TLR10: variants seen among roughly 807,000 people sequenced by gnomAD.
TLR10 encodes toll like receptor 10.
For missense variants in TLR10, 929 were observed against 932.9 expected, an observed-to-expected ratio of 1.00 and a Z score of 0.05; for synonymous variants, 288 against 338.8, an observed-to-expected ratio of 0.85 and a Z score of 1.65.
chr4:38,781,144 G>A (rs1185381623), intron 1 of TLR10, among the ~76,000 whole-genome samples: 2 of 152,008 alleles, frequency 1.3e-5, no homozygotes, highest in Admixed American at 1.3e-4. Context: ...TATCTCTCAG[G>A]CAATACTTAT....
In TLR10 at chr4:38,782,963, T is replaced by G. The variant is rs1165163389; in HGVS notation, c.-611A>C. 2 of 152,300 alleles carry G rather than the reference T, an allele frequency of 1.3e-5. No individual in the cohort carries two copies. Among genetic ancestry groups the G allele is most frequent in the East Asian group, 1.9e-4 (1 of 5,182 alleles). The allele number at this position is 152,300 out of a possible 1,614,324, so 9.4% of individuals were successfully genotyped here. A position where few individuals can be genotyped will look rare whatever the true frequency, so the allele number is the denominator to read the frequency against. On this transcript the variant is annotated 5_prime_UTR_variant, in exon 1 of 4. Transcript: ENST00000308973. ...CTCAGCAGAGCTGCAGGTGCGTGGA[T>G]GATTCGTTGACACGGTCAGAATTGG...
Position 38,775,444 on chromosome 4 carries a change from G to A in TLR10, c.147C>T (p.Ala49=). ...LRKVPADLTP[A]TTTLDLSYNL... is the part of the protein sequence containing the mutation. The stretch of plus-strand genomic sequence containing the variant: ...TATAGGATAAATCCAGTGTCGTTGT[G>A]GCTGGGGTCAAGTCTGCGGGAACCT... Residue 49 remains alanine (A), a synonymous_variant, in exon 4 of 4, where the codon GCC becomes GCT. Coordinates refer to ENST00000308973, the MANE Select transcript of TLR10 (RefSeq NM_030956.4). 1 of 1,614,138 alleles carries A rather than the reference G, an allele frequency of 6.2e-7. No individual in the cohort carries two copies. Among genetic ancestry groups the A allele is most frequent in the Non-Finnish European group, 8.5e-7 (1 of 1,180,020 alleles).
At position 38,775,137 on chromosome 4, in the gene TLR10, C is replaced by T. The variant is rs751364840; in HGVS notation, c.454G>A (p.Ala152Thr). The change falls in exon 4 of 4, where the codon GCA becomes ACA. Residue 152 changes from alanine to threonine, a missense_variant. Coordinates refer to ENST00000308973, the MANE Select transcript of TLR10 (RefSeq NM_030956.4). ...SHLEILGLSG[A>T]KIQKSDFQKI... ...TGGAAATCTGATTTTTGTATTTTTG[C>T]CCCACTCAAACCTAGGATTTCCAGG... 5.6e-6 allele frequency: 9 copies of T among 1,613,510 alleles called. No individual in the cohort carries two copies. In the East Asian group the frequency reaches 1.3e-4, roughly 24 times the overall value.
chr4:38,777,662 A>G (rs1197950862), intron 1 of TLR10, among the ~76,000 whole-genome samples: 1 of 152,230 alleles, frequency 6.6e-6, no homozygotes, highest in African/African-American at 2.4e-5. Flanking sequence ...ACTTCTCAAA[A>G]GAAGACATTT....
At chr4:38,779,431 G>C (rs572567393) in intron 1 of TLR10, among the ~76,000 whole-genome samples, 12 of 152,124 alleles carry the variant, frequency 7.9e-5, no homozygotes, top group Non-Finnish European at 1.3e-4. Flanking sequence ...TGACTCCCTA[G>C]AGTGTAATGT....
In TLR10 at chr4:38,776,337, C is replaced by T. The variant is rs878856374; in HGVS notation, c.-479G>A. ...ATGTCTGAAACCTGCCAGTGAATAC[C>T]AAGCCACAATCTTCAGTCTGTTGTT... is the stretch of plus-strand genomic sequence containing the variant. On this transcript the variant is annotated 5_prime_UTR_variant, in exon 2 of 4. Transcript: ENST00000308973. 1 of 199,932 alleles carries T rather than the reference C, an allele frequency of 5.0e-6. No homozygotes were observed. Among genetic ancestry groups the T allele is most frequent in the Admixed American group, 4.7e-5 (1 of 21,134 alleles). The allele number at this position is 199,932 out of a possible 1,614,324, so 12.4% of individuals were successfully genotyped here.
intron 1 of TLR10, among the ~76,000 whole-genome samples, chr4:38,781,982 A>G (rs557315976): frequency 6.6e-6 from 1 of 152,332 alleles, no homozygotes; most frequent in African/African-American, 2.4e-5. Flanking sequence ...CAAGATGACC[A>G]ACTGAAGAAG....
At position 38,773,232 on chromosome 4, in the gene TLR10, C is replaced by A; in HGVS notation, c.2359G>T (p.Glu787Ter). Reference sequence around the variant, plus strand: ...TTTAACTCTGTGAATGTCTGCAGTTCATACATTTCTCTGGTGGCTAATACA... The same window carrying A: ...TTTAACTCTGTGAATGTCTGCAGTTAATACATTTCTCTGGTGGCTAATACA... ...VNVLATREMY[E>*]LQTFTELNEE... The change falls in exon 4 of 4, where the codon GAA becomes TAA. Residue 787 changes from glutamate (E) to a stop codon, truncating the protein, a stop_gained. Coordinates refer to ENST00000308973, the MANE Select transcript of TLR10 (RefSeq NM_030956.4). LOFTEE classifies it high-confidence loss of function. The A allele has an allele frequency of 6.2e-7, 1 of 1,600,114 alleles. No homozygotes were observed. Among genetic ancestry groups the A allele is most frequent in the South Asian group, 1.1e-5 (1 of 88,168 alleles).
intron 1 of TLR10, 71 bp from the exon 2 acceptor site, chr4:38,776,497 G>A (rs186000747): frequency 1.3e-5 from 2 of 152,404 alleles, no homozygotes; most frequent in East Asian, 3.9e-4. Flanking sequence ...ATTGCTTCAT[G>A]TATATTATCT....
Position 38,775,490 on chromosome 4 carries a change from C to T in TLR10, c.101G>A (p.Cys34Tyr). Residue 34 changes from cysteine (C) to tyrosine (Y), a missense_variant, in exon 4 of 4, where the codon TGC becomes TAC. Transcript: ENST00000308973. ...AACCTTTCTTAGAGACATGTTGGAG[C>T]AGTTGGTCATCAGTTCCCTTTCTTC... is the stretch of plus-strand genomic sequence containing the variant. ...LPEERELMTN[C>Y]SNMSLRKVPA... 1.2e-6 allele frequency: 2 copies of T among 1,614,100 alleles called. No homozygotes were observed. The highest frequency in any genetic ancestry group is 1.7e-6 in the Non-Finnish European group (2 of 1,180,004).
rs762010247 is a variant in TLR10 at position 38,773,125 on chromosome 4, G to C, written c.*30C>G. 2.0e-6 allele frequency: 3 copies of C among 1,499,854 alleles called. No homozygotes were observed. Among genetic ancestry groups the C allele is most frequent in the Non-Finnish European group, 2.7e-6 (3 of 1,129,958 alleles). The allele number at this position is 1,499,854 out of a possible 1,614,324, so 92.9% of individuals were successfully genotyped here. The stretch of plus-strand genomic sequence containing the variant: ...CAATGTACATCCCAACAGTGTATGT[G>C]GTCCCCAACTTCCCAAGGACTGTGG... On this transcript the variant is annotated 3_prime_UTR_variant, in exon 4 of 4. Coordinates refer to ENST00000308973, the MANE Select transcript of TLR10 (RefSeq NM_030956.4).
rs374143520 is a variant in TLR10 at position 38,774,495 on chromosome 4, T to C, written c.1096A>G (p.Lys366Glu). 1.9e-6 allele frequency: 3 copies of C among 1,590,894 alleles called. No individual in the cohort carries two copies. Among genetic ancestry groups the C allele is most frequent in the Non-Finnish European group, 2.6e-6 (3 of 1,172,482 alleles). The change falls in exon 4 of 4, where the codon AAA becomes GAA. Residue 366 changes from lysine (K) to glutamate (E), a missense_variant. Coordinates refer to ENST00000308973, the MANE Select transcript of TLR10 (RefSeq NM_030956.4). ...ANNILTDELF[K>E]RTIQLPHLKT... ...AAGTGAGGCAGTTGGATAGTTCTTT[T>C]AAACAACTCGTCTGTTAAGATATTA...
intron 1 of TLR10, 21 bp downstream of exon 1, chr4:38,782,896 CAACA>C (rs1389413320): frequency 6.6e-6 from 1 of 152,132 alleles, no homozygotes; most frequent in Non-Finnish European, 1.5e-5. Flanking sequence ...ATGAGAGTTA[CAACA>C]AACAAAGCTA....
intron 1 of TLR10, among the ~76,000 whole-genome samples, chr4:38,778,797 G>T (rs892264255): frequency 6.6e-6 from 1 of 152,138 alleles, no homozygotes; most frequent in Admixed American, 6.6e-5. Flanking sequence ...ATGCTCAACA[G>T]AAAGAGGATG....
In TLR10 at chr4:38,773,829, G is replaced by C. The variant is rs767983459; in HGVS notation, c.1762C>G (p.Leu588Val). The C allele has an allele frequency of 6.3e-7, 1 of 1,587,568 alleles. No individual in the cohort carries two copies. The highest frequency in any genetic ancestry group is 8.6e-7 in the Non-Finnish European group (1 of 1,168,592). ...AAGGCCACAGCCAACCCCAGAACTAGCATAATAACCACAATGGTGACAATC... is the reference window on the plus strand; with the variant it reads ...AAGGCCACAGCCAACCCCAGAACTACCATAATAACCACAATGGTGACAATC... ...LLIVTIVVIM[L>V]VLGLAVAFCC... The change falls in exon 4 of 4, where the codon CTA becomes GTA. Residue 588 changes from leucine to valine, a missense_variant. Coordinates refer to ENST00000308973, the MANE Select transcript of TLR10 (RefSeq NM_030956.4).
intron 1 of TLR10, among the ~76,000 whole-genome samples, chr4:38,777,253 C>T (rs1419714076): frequency 6.6e-6 from 1 of 151,930 alleles, no homozygotes; most frequent in Non-Finnish European, 1.5e-5. Context: ...TCTAAAGGGG[C>T]CAAAGAAGCA....
intron 1 of TLR10, among the ~76,000 whole-genome samples, chr4:38,781,560 G>GTA (rs930250635): frequency 6.6e-6 from 1 of 152,026 alleles, no homozygotes; most frequent in Non-Finnish European, 1.5e-5. Flanking sequence ...TCTATAAATA[G>GTA]TATATATATG....
chr4:38,779,983 T>C (rs1407098260), intron 1 of TLR10, among the ~76,000 whole-genome samples: 1 of 152,262 alleles, frequency 6.6e-6, no homozygotes, highest in Non-Finnish European at 1.5e-5. Flanking sequence ...AATCCTTGTA[T>C]GTATGAATTT....
chr4:38,775,351 G>A lies in TLR10; in HGVS notation c.240C>T (p.Cys80=). The change falls in exon 4 of 4, where the codon TGC becomes TGT. Residue 80 remains cysteine, a synonymous_variant. Transcript: ENST00000308973. ...SVSKLRVLIL[C]HNRIQQLDLK... ...GATCCAGCTGTTGAATTCTGTTATG[G>A]CATAGAATCAAAACTCTCAGTTTGG... 2.5e-6 allele frequency: 4 copies of A among 1,614,012 alleles called. No homozygotes were observed. The highest frequency in any genetic ancestry group is 3.4e-6 in the Non-Finnish European group (4 of 1,179,992).
Sources: gnomAD v4.1 joint callset for allele counts (sites outside exome capture counted in the v4.1 genomes callset) on GRCh38, gnomAD v4.1.1 for gene constraint, MANE v1.5 for transcripts, NCBI Gene and HGNC (gene_info 2026-07-23, HGNC 2026-07-21) for gene names.